The following DSCAM variants were observed in gnomAD, a reference collection of about 807,000 sequenced individuals.
DSCAM encodes the protein DS cell adhesion molecule, also known as cell adhesion molecule DSCAM.
DSCAM carries 47 observed loss-of-function variants against 217.7 expected under a neutral mutation model. The ratio of observed to expected loss-of-function variants is 0.22; its 90% confidence interval spans 0.17 to 0.28. DSCAM has a LOEUF of 0.28. DSCAM is among the 10% of genes least tolerant of loss of function. The pLI, the probability that DSCAM is intolerant of heterozygous loss-of-function variation, is 1.00. For missense variants in DSCAM, 2,080 were observed against 2,618.3 expected, an observed-to-expected ratio of 0.79 and a Z score of 4.49; for synonymous variants, 1,056 against 1,015.3, an observed-to-expected ratio of 1.04 and a Z score of -0.76.
intron 4 of DSCAM, among the ~76,000 whole-genome samples, chr21:40,362,365 T>C (rs2074777310): frequency 6.6e-6 from 1 of 152,248 alleles, no homozygotes; most frequent in South Asian, 2.1e-4. Context: ...GTTCCGTTAT[T>C]GCCATAGGCA....
intron 6 of DSCAM, among the ~76,000 whole-genome samples, chr21:40,345,441 T>C (rs2074547347): frequency 6.6e-6 from 1 of 152,194 alleles, no homozygotes; most frequent in Non-Finnish European, 1.5e-5. Flanking sequence ...AAGTTTCTTG[T>C]TTTTATCATC....
At chr21:40,069,808 T>C (rs2089264282) in intron 27 of DSCAM, among the ~76,000 whole-genome samples, 1 of 152,216 alleles carries the variant, frequency 6.6e-6, no homozygotes, top group South Asian at 2.1e-4. Flanking sequence ...TTTATGTTTT[T>C]ATAAGATCCC....
At chr21:40,780,487 A>C (rs1186052481) in intron 1 of DSCAM, among the ~76,000 whole-genome samples, 1 of 147,272 alleles carries the variant, frequency 6.8e-6, no homozygotes, top group Admixed American at 7.0e-5. Flanking sequence ...ATATTATAAG[A>C]AACTTGAAAA....
intron 10 of DSCAM, among the ~76,000 whole-genome samples, chr21:40,276,655 A>T (rs1313091159): frequency 6.6e-6 from 1 of 152,196 alleles, no homozygotes; most frequent in East Asian, 1.9e-4. Context: ...ACTTAATATG[A>T]ATGTAAACAA....
intron 32 of DSCAM, among the ~76,000 whole-genome samples, chr21:40,038,180 A>G (rs1441485822): frequency 6.8e-6 from 1 of 147,538 alleles, no homozygotes; most frequent in African/African-American, 2.5e-5. Flanking sequence ...ATCTAATTAA[A>G]CTAAAGAGTT....
intron 3 of DSCAM, among the ~76,000 whole-genome samples, chr21:40,687,296 T>A (rs537861290): frequency 6.6e-6 from 1 of 152,330 alleles, no homozygotes; most frequent in South Asian, 2.1e-4. Flanking sequence ...CAGGTGACTC[T>A]AGGTTTTTTT....
At chr21:40,161,368 A>T (rs192073894) in intron 16 of DSCAM, among the ~76,000 whole-genome samples, 106 of 152,320 alleles carry the variant, frequency 7.0e-4, no homozygotes, top group Middle Eastern at 3.4e-3. Flanking sequence ...TATACACCAA[A>T]AAGATGCAAA....
chr21:40,563,182 T>C (rs1405152648), intron 3 of DSCAM, among the ~76,000 whole-genome samples: 1 of 151,802 alleles, frequency 6.6e-6, no homozygotes, highest in Non-Finnish European at 1.5e-5. Flanking sequence ...GTCAACCAAC[T>C]GTCTTGGTTT....
At chr21:40,405,880 C>T (rs2123785830) in intron 3 of DSCAM, among the ~76,000 whole-genome samples, 1 of 152,072 alleles carries the variant, frequency 6.6e-6, no homozygotes, top group African/African-American at 2.4e-5. Flanking sequence ...ACCTGTAATC[C>T]CAGTTACTCA....
intron 3 of DSCAM, among the ~76,000 whole-genome samples, chr21:40,434,467 C>T (rs188608386): frequency 7.2e-5 from 11 of 152,286 alleles, no homozygotes; most frequent in South Asian, 4.1e-4. Context: ...TCTATCTGGA[C>T]GCTGGCAAGA....
At chr21:40,058,712 T>C (rs1232442400) in intron 28 of DSCAM, among the ~76,000 whole-genome samples, 1 of 152,244 alleles carries the variant, frequency 6.6e-6, no homozygotes, top group Non-Finnish European at 1.5e-5. Flanking sequence ...TTTGACAATC[T>C]ATTGTTACAT....
chr21:40,726,730 G>C (rs903799695), intron 1 of DSCAM, among the ~76,000 whole-genome samples: 1 of 152,128 alleles, frequency 6.6e-6, no homozygotes, highest in African/African-American at 2.4e-5. Context: ...GCCCCCACTC[G>C]AACTCATGTT....
chr21:40,390,587 T>C (rs2075125047), intron 3 of DSCAM, among the ~76,000 whole-genome samples: 1 of 152,082 alleles, frequency 6.6e-6, no homozygotes, highest in African/African-American at 2.4e-5. Context: ...AGGCCAGCAG[T>C]ATTATTGGCA....
intron 3 of DSCAM, among the ~76,000 whole-genome samples, chr21:40,381,235 G>A (rs1429215538): frequency 6.6e-6 from 1 of 152,090 alleles, no homozygotes; most frequent in African/African-American, 2.4e-5. Flanking sequence ...GTGTGGCACT[G>A]GCTGTCCATG....
intron 11 of DSCAM, among the ~76,000 whole-genome samples, chr21:40,192,245 T>C (rs1260066181): frequency 2.0e-5 from 3 of 152,124 alleles, no homozygotes; most frequent in South Asian, 2.1e-4. Flanking sequence ...CTCCCTGATA[T>C]GGTTTGGCTG....
chr21:40,560,611 A>G (rs1250721897), intron 3 of DSCAM, among the ~76,000 whole-genome samples: 1 of 152,224 alleles, frequency 6.6e-6, no homozygotes, highest in Non-Finnish European at 1.5e-5. Flanking sequence ...GGCATTTAAT[A>G]CCTCTAACAT....
chr21:40,518,026 T>C (rs1040047771), intron 3 of DSCAM, among the ~76,000 whole-genome samples: 2 of 151,846 alleles, frequency 1.3e-5, no homozygotes, highest in African/African-American at 4.8e-5. Context: ...CACAGAGACA[T>C]GGGTGCTTCA....
In DSCAM at chr21:40,360,121, G is replaced by GTTTTTT. The variant is rs764160478; in HGVS notation, c.656-6379_656-6378insAAAAAA. Among the ~76,000 whole-genome samples the GTTTTTT allele has an allele frequency of 5.9e-3, 488 of 82,628 alleles. 163 individuals carry two copies. The highest frequency in any genetic ancestry group is 0.023 in the African/African-American group (454 of 19,918). 54.2% of individuals were successfully genotyped at this position (82,628 alleles called of 152,430 possible). A position where few individuals can be genotyped will look rare whatever the true frequency, so the allele number is the denominator to read the frequency against. ...TAGTGAGCATGGTACTTCATAGGTAGTCTTTTTTTTTTTTTTTTTTTTTTT... is the reference window on the plus strand; with the variant it reads ...TAGTGAGCATGGTACTTCATAGGTAGTTTTTTTCTTTTTTTTTTTTTTTTTTTTTTT... On this transcript the variant is annotated intron_variant, in intron 4 of 32. Coordinates refer to ENST00000400454, the MANE Select transcript of DSCAM (RefSeq NM_001389.5).
chr21:40,109,581 G>A (rs927597492), intron 20 of DSCAM, among the ~76,000 whole-genome samples: 1 of 152,188 alleles, frequency 6.6e-6, no homozygotes, highest in Admixed American at 6.5e-5. Flanking sequence ...CAGGACAGCG[G>A]GTGCAGCGCA....
Sources: gnomAD v4.1 joint callset for allele counts (sites outside exome capture counted in the v4.1 genomes callset) on GRCh38, gnomAD v4.1.1 for gene constraint, MANE v1.5 for transcripts, NCBI Gene and HGNC (gene_info 2026-07-23, HGNC 2026-07-21) for gene names.